Variants in SLC34A1 observed in about 807,000 individuals in gnomAD.
SLC34A1 encodes the protein sodium-dependent phosphate transport protein 2A.
A neutral mutation model predicts 51.4 loss-of-function variants in SLC34A1; 57 were observed. The observed-to-expected ratio is 1.11, with a 90% CI of 0.90 to 1.38. SLC34A1 has a LOEUF of 1.38. Ranked by LOEUF, SLC34A1 falls within the 40% of genes most tolerant of loss-of-function variation. The probability of loss-of-function intolerance (pLI) is 0.00; values close to 1 mark genes in which losing one functional copy is unlikely to be tolerated. For synonymous variants in SLC34A1, 368 were observed against 358.0 expected (o/e 1.03, Z -0.32); for missense variants, 796 against 835.6 (o/e 0.95, Z 0.58).
chr5:177,389,671 T>G (rs1374287621), intron 8 of SLC34A1: 7 of 1,537,126 alleles, frequency 4.6e-6, no homozygotes, highest in African/African-American at 1.4e-5. Context: ...TCACACACTT[T>G]GATCTTCGCA....
At chr5:177,387,566 C>T (rs1314197026) in intron 5 of SLC34A1, among the ~76,000 whole-genome samples, 196 bp from the exon 6 acceptor site, 3 of 152,374 alleles carry the variant, frequency 2.0e-5, no homozygotes, top group Middle Eastern at 3.4e-3. Context: ...CATCTACTCG[C>T]ATGGATGAAT....
Position 177,387,881 on chromosome 5 carries a change from G to A in SLC34A1, c.644+8G>A. On this transcript the variant is annotated splice_region_variant and intron_variant, in intron 6 of 12. Transcript: ENST00000324417. ...CAGGACTGACTTCCGGCGGTGAGGG[G>A]GGCTGGGGGTTGGGGGCTCGTGCCT... The A allele has an allele frequency of 6.2e-7, 1 of 1,609,940 alleles. No homozygotes were observed. The highest frequency in any genetic ancestry group is 8.5e-7 in the Non-Finnish European group (1 of 1,177,914).
rs955187981 is a variant in SLC34A1, at chr5:177,397,543, G to A, written c.1417-240G>A. 4 of 599,108 alleles carry A rather than the reference G, an allele frequency of 6.7e-6. No individual in the cohort carries two copies. The South Asian group carries it at 7.8e-5, about 12-fold the overall frequency. The allele number at this position is 599,108 out of a possible 1,614,324, so 37.1% of individuals were successfully genotyped here. The stretch of plus-strand genomic sequence containing the variant: ...GGGATTCCTGTGCGAGGGGTCAGTG[G>A]GGAAAATGTGGGGAGCTCAGGGCAG... On this transcript the variant is annotated intron_variant, in intron 12 of 12. Transcript: ENST00000324417.
At chr5:177,389,968 G>T in intron 8 of SLC34A1, 1 of 1,390,452 alleles carries the variant, frequency 7.2e-7, no homozygotes, top group Non-Finnish European at 9.3e-7. Context: ...GCTGGTGGGT[G>T]GGACCCAAGC....
chr5:177,385,637 T>C, intron 1 of SLC34A1, 58 bp from the exon 2 acceptor site: 1 of 800,006 alleles, frequency 1.2e-6, no homozygotes, highest in Non-Finnish European at 2.2e-6. Context: ...GCCATGGGGG[T>C]TTGTGCAGGT....
At chr5:177,390,093 A>G in intron 8 of SLC34A1, 5 of 1,109,194 alleles carry the variant, frequency 4.5e-6, no homozygotes, top group Non-Finnish European at 5.5e-6. Flanking sequence ...CTGCCCAAAG[A>G]CGGGCCACAG....
chr5:177,397,704 C>A, intron 12 of SLC34A1, 79 bp from the exon 13 acceptor site: 1 of 1,576,538 alleles, frequency 6.3e-7, no homozygotes, highest in Non-Finnish European at 8.6e-7. Flanking sequence ...ATCGGGGTTC[C>A]TATCATCTAC....
In SLC34A1 at chr5:177,388,165, G is replaced by A. The variant is rs1762668980; in HGVS notation, c.816G>A (p.Glu272=). ...DAPDLLKIIT[E]PFTKLIIQLD... ...CTGACCTGCTCAAGATCATCACAGA[G>A]CCCTTCACGAAGCTCATCATCCAGG... is the stretch of plus-strand genomic sequence containing the variant. Residue 272 remains glutamate (E), a synonymous_variant, in exon 7 of 13, where the codon GAG becomes GAA. Transcript: ENST00000324417. This position sits in a 1 kb window ranked among gnomAD's most constrained non-coding sequence, Gnocchi z 4.3. 2 of 1,614,122 alleles carry A rather than the reference G, an allele frequency of 1.2e-6. No individual in the cohort carries two copies. The highest frequency in any genetic ancestry group is 1.7e-6 in the Non-Finnish European group (2 of 1,180,018).
At chr5:177,393,929 C>G in intron 9 of SLC34A1, 99 bp from the exon 10 acceptor site, 1 of 1,549,250 alleles carries the variant, frequency 6.5e-7, no homozygotes, top group Admixed American at 1.7e-5. Flanking sequence ...CTCAAGGAGC[C>G]TGAGATGGGG....
rs1581635499 is a variant in SLC34A1, at chr5:177,386,527, A to C, written c.493A>C (p.Thr165Pro). The change falls in exon 5 of 13, where the codon ACC becomes CCC. Residue 165 changes from threonine (T) to proline (P), a missense_variant. Transcript: ENST00000324417. The surrounding 1 kb of genome is among the most constrained non-coding windows in gnomAD (Gnocchi z 4.8). ...GACCGTGCTGGTGCAGAGCTCCAGC[A>C]CCTCCACATCCATCATCGTCAGCAT... ...LVTVLVQSSSTSTSIIVSMVS... is the reference protein window; with the variant it reads ...LVTVLVQSSSPSTSIIVSMVS... 6 of 1,613,486 alleles carry C rather than the reference A, an allele frequency of 3.7e-6. No homozygotes were observed. Among genetic ancestry groups the C allele is most frequent in the Non-Finnish European group, 5.1e-6 (6 of 1,179,738 alleles).
In SLC34A1 at chr5:177,388,379, C is replaced by A; in HGVS notation, c.936+7C>A. 1 of 1,611,254 alleles carries A rather than the reference C, an allele frequency of 6.2e-7. No homozygotes were observed. The highest frequency in any genetic ancestry group is 1.1e-5 in the South Asian group (1 of 90,984). ...CCACCCAGACTCCTTACAGGTGAGT[C>A]CCAGGCCTAACCCCAGGTAAGAGGA... is the stretch of plus-strand genomic sequence containing the variant. On this transcript the variant is annotated splice_region_variant and intron_variant, in intron 8 of 12. Transcript: ENST00000324417. The surrounding 1 kb of genome is among the most constrained non-coding windows in gnomAD (Gnocchi z 4.3).
chr5:177,386,603 G>A lies in SLC34A1; in HGVS notation c.532+37G>A. 1 of 1,612,122 alleles carries A rather than the reference G, an allele frequency of 6.2e-7. No individual in the cohort carries two copies. Among genetic ancestry groups the A allele is most frequent in the Non-Finnish European group, 8.5e-7 (1 of 1,179,792 alleles). ...CACCAGGGTGGGGAAGAGCTTGGAG[G>A]GGCACCCCAGGAGCTGGGAAGGGTG... On this transcript the variant is annotated intron_variant, in intron 5 of 12. Transcript: ENST00000324417. This position sits in a 1 kb window ranked among gnomAD's most constrained non-coding sequence, Gnocchi z 4.8.
intron 8 of SLC34A1, among the ~76,000 whole-genome samples, chr5:177,391,659 A>C (rs962954591): frequency 1.3e-5 from 2 of 152,226 alleles, no homozygotes; most frequent in African/African-American, 2.4e-5. Context: ...TGACCTAGGA[A>C]GTCAGTCACA....
chr5:177,387,119 C>T (rs1762604722), intron 5 of SLC34A1, among the ~76,000 whole-genome samples: 1 of 151,904 alleles, frequency 6.6e-6, no homozygotes, highest in South Asian at 2.1e-4. Context: ...GCCTGTAATC[C>T]CAGCACTTTG....
Position 177,398,719 on chromosome 5 carries a change from T to G in SLC34A1, c.*433T>G. 4.8e-6 allele frequency: 1 copy of G among 206,690 alleles called. No individual in the cohort carries two copies. The highest frequency in any genetic ancestry group is 1.0e-5 in the Non-Finnish European group (1 of 99,390). The allele number at this position is 206,690 out of a possible 1,614,324, so 12.8% of individuals were successfully genotyped here. A position where few individuals can be genotyped will look rare whatever the true frequency, so the allele number is the denominator to read the frequency against. On this transcript the variant is annotated 3_prime_UTR_variant, in exon 13 of 13. Coordinates refer to ENST00000324417, the MANE Select transcript of SLC34A1 (RefSeq NM_003052.5). This position sits in a 1 kb window ranked among gnomAD's most constrained non-coding sequence, Gnocchi z 4.7. ...GCGTTACTGAATTTGCACACCTCCTTGCCACCTTCCTTCCTCCAAGATACC... is the reference window on the plus strand; with the variant it reads ...GCGTTACTGAATTTGCACACCTCCTGGCCACCTTCCTTCCTCCAAGATACC...
Position 177,398,487 on chromosome 5 carries a change from C to A in SLC34A1, c.*201C>A, listed in dbSNP as rs1763044609. ...GGGGTGAGTCTGCATGTGCACCTGTCATGTGTAGAAGCTTGTATTTGTGTA... is the reference window on the plus strand; with the variant it reads ...GGGGTGAGTCTGCATGTGCACCTGTAATGTGTAGAAGCTTGTATTTGTGTA... On this transcript the variant is annotated 3_prime_UTR_variant, in exon 13 of 13. Transcript: ENST00000324417. This position sits in a 1 kb window ranked among gnomAD's most constrained non-coding sequence, Gnocchi z 4.7. 4.5e-6 allele frequency: 3 copies of A among 670,528 alleles called. No homozygotes were observed. The South Asian group carries it at 5.1e-5, about 11-fold the overall frequency. The allele number at this position is 670,528 out of a possible 1,614,324, so 41.5% of individuals were successfully genotyped here.
At chr5:177,389,432 T>C (rs765844312) in intron 8 of SLC34A1, among the ~76,000 whole-genome samples, 91 of 151,722 alleles carry the variant, frequency 6.0e-4, no homozygotes, top group Admixed American at 9.8e-4. Flanking sequence ...AAAACACTCA[T>C]CTGACTCGCC....
In SLC34A1 at chr5:177,386,242, T is replaced by A. The variant is rs1762566959; in HGVS notation, c.281T>A (p.Leu94Gln). The A allele has an allele frequency of 1.3e-6, 2 of 1,544,088 alleles. No homozygotes were observed. The highest frequency in any genetic ancestry group is 4.5e-5 in the East Asian group (2 of 44,872). ...QKPESRLVPK[L>Q]RQAGAMLLKV... ...CCAGAGTCCAGGCTGGTCCCCAAGC[T>A]GCGCCAGGCTGGCGCCATGCTGCTC... Residue 94 changes from leucine to glutamine, a missense_variant, in exon 4 of 13, where the codon CTG becomes CAG. Transcript: ENST00000324417. The surrounding 1 kb of genome is among the most constrained non-coding windows in gnomAD (Gnocchi z 4.8).
chr5:177,388,281 AC>A lies in SLC34A1; in HGVS notation c.846del (p.Asp282GlufsTer4). The A allele has an allele frequency of 6.2e-7, 1 of 1,614,116 alleles. No individual in the cohort carries two copies. Among genetic ancestry groups the A allele is most frequent in the African/African-American group, 1.3e-5 (1 of 75,036 alleles). On this transcript the variant is annotated frameshift_variant, in exon 8 of 13. Coordinates refer to ENST00000324417, the MANE Select transcript of SLC34A1 (RefSeq NM_003052.5). LOFTEE classifies it high-confidence loss of function. The surrounding 1 kb of genome is among the most constrained non-coding windows in gnomAD (Gnocchi z 4.3). ...CTGCCCACATCTTGCCCACAGCTGG[AC>A]GAGTCTGTGATAACCAGCATTGCCA... ...EPFTKLIIQL[D>X]ESVITSIATG... is the part of the protein sequence containing the mutation.
Sources: allele counts gnomAD v4.1 joint callset (sites outside exome capture counted in the v4.1 genomes callset), GRCh38; gene constraint gnomAD v4.1.1; non-coding constraint Gnocchi (gnomAD v3.1); transcripts MANE v1.5; gene names NCBI Gene and HGNC (gene_info 2026-07-23, HGNC 2026-07-21).